The following ADAMTS3 variants were observed in gnomAD, a reference collection of about 807,000 sequenced individuals.
ADAMTS3 encodes the protein ADAM metallopeptidase with thrombospondin type 1 motif 3, also known as A disintegrin and metalloproteinase with thrombospondin motifs 3.
ADAMTS3 carries 73 observed loss-of-function variants against 129.0 expected under a neutral mutation model. The ratio of observed to expected loss-of-function variants is 0.57; its 90% CI spans 0.47 to 0.69. ADAMTS3 has a LOEUF of 0.69. Ranked by LOEUF, ADAMTS3 falls within the 30% of genes least tolerant of loss-of-function variation. ADAMTS3 has a pLI of 0.00. For synonymous variants in ADAMTS3, 477 were observed against 510.8 expected, an observed-to-expected ratio of 0.93 and a Z score of 0.89; for missense variants, 1,457 against 1,514.5, an observed-to-expected ratio of 0.96 and a Z score of 0.63.
chr4:72,520,224 C>T (rs1259578226), intron 3 of ADAMTS3, among the ~76,000 whole-genome samples: 1 of 152,000 alleles, frequency 6.6e-6, no homozygotes, highest in African/African-American at 2.4e-5. Flanking sequence ...AGTACCCGGC[C>T]GTGTGAGGTG....
At chr4:72,541,075 C>G (rs1201377586) in intron 3 of ADAMTS3, among the ~76,000 whole-genome samples, 1 of 152,178 alleles carries the variant, frequency 6.6e-6, no homozygotes, top group Non-Finnish European at 1.5e-5. Context: ...GCTGCAGACA[C>G]TCAACATCAG....
At chr4:72,354,975 C>T (rs930281431) in intron 4 of ADAMTS3, among the ~76,000 whole-genome samples, 1 of 151,992 alleles carries the variant, frequency 6.6e-6, no homozygotes, top group African/African-American at 2.4e-5. Context: ...ATAAATCTTA[C>T]TCCAAAAGCT....
intron 2 of ADAMTS3, among the ~76,000 whole-genome samples, chr4:72,566,978 G>T (rs577135419): frequency 6.6e-6 from 1 of 152,300 alleles, no homozygotes; most frequent in South Asian, 2.1e-4. Context: ...GTACTTCATT[G>T]TTCTCTTCTA....
intron 15 of ADAMTS3, among the ~76,000 whole-genome samples, chr4:72,306,655 G>C (rs1430480606): frequency 6.6e-6 from 1 of 151,902 alleles, no homozygotes; most frequent in Non-Finnish European, 1.5e-5. Context: ...CAAGTTTTAT[G>C]ATGGGACTAT....
chr4:72,375,079 A>G (rs1477628382), intron 4 of ADAMTS3, among the ~76,000 whole-genome samples: 1 of 151,996 alleles, frequency 6.6e-6, no homozygotes, highest in Non-Finnish European at 1.5e-5. Context: ...CTTAATCTCA[A>G]TCTTCTTGGC....
intron 3 of ADAMTS3, among the ~76,000 whole-genome samples, chr4:72,532,706 A>G (rs1465633063): frequency 6.6e-6 from 1 of 152,162 alleles, no homozygotes; most frequent in African/African-American, 2.4e-5. Flanking sequence ...CCTAGGCTGT[A>G]TGGCACAACA....
chr4:72,567,623 A>T (rs1722050373), intron 1 of ADAMTS3, among the ~76,000 whole-genome samples: 1 of 152,190 alleles, frequency 6.6e-6, no homozygotes, highest in South Asian at 2.1e-4. Context: ...TTTCATTTTA[A>T]TTTAACACTT....
intron 12 of ADAMTS3, among the ~76,000 whole-genome samples, chr4:72,312,729 A>T (rs561660348): frequency 3.9e-5 from 6 of 152,334 alleles, no homozygotes; most frequent in African/African-American, 1.4e-4. Context: ...GTGTAAGAAA[A>T]AAAAAGCATG....
chr4:72,426,528 T>C (rs1415427319), intron 3 of ADAMTS3, among the ~76,000 whole-genome samples: 1 of 152,144 alleles, frequency 6.6e-6, no homozygotes, highest in African/African-American at 2.4e-5. Flanking sequence ...GCATGCTTTC[T>C]GTTATTTATT....
rs531734295 is a variant in ADAMTS3 at position 72,568,592 on chromosome 4, G to A, written c.69+102C>T. The A allele has an allele frequency of 1.0e-4, 89 of 877,278 alleles. No homozygotes were observed. In the Admixed American group the frequency reaches 1.4e-3, roughly 14 times the overall value. The allele number at this position is 877,278 out of a possible 1,614,324, so 54.3% of individuals were successfully genotyped here. A position where few individuals can be genotyped will look rare whatever the true frequency, so the allele number is the denominator to read the frequency against. ...TGAACGCAAAAGATAACAGGGAAGG[G>A]TGGGAGGAGAAGGAGGAAAGAGAGG... is the stretch of plus-strand genomic sequence containing the variant. On this transcript the variant is annotated intron_variant, in intron 1 of 21. Coordinates refer to ENST00000286657, the MANE Select transcript of ADAMTS3 (RefSeq NM_014243.3).
intron 18 of ADAMTS3, 61 bp from the exon 19 acceptor site, chr4:72,295,847 T>G: frequency 1.9e-6 from 3 of 1,560,422 alleles, no homozygotes; most frequent in Non-Finnish European, 2.6e-6. Context: ...AGTTACTTGA[T>G]TATTCACTTA....
intron 3 of ADAMTS3, among the ~76,000 whole-genome samples, chr4:72,415,706 A>C (rs564488790): frequency 1.3e-5 from 2 of 151,978 alleles, no homozygotes; most frequent in South Asian, 4.2e-4. Flanking sequence ...ATTCTGTTTC[A>C]TCTTTTAATT....
intron 3 of ADAMTS3, among the ~76,000 whole-genome samples, chr4:72,439,401 A>G (rs1718052320): frequency 6.6e-6 from 1 of 151,676 alleles, no homozygotes; most frequent in Admixed American, 6.6e-5. Context: ...TTTTCCCTCC[A>G]ACACCTTTAT....
chr4:72,446,786 C>T lies in ADAMTS3; in HGVS notation c.505-31815G>A, dbSNP rs1718263877. 2.0e-5 allele frequency among the ~76,000 whole-genome samples: 3 copies of T among 151,644 alleles called. No individual in the cohort carries two copies. In the South Asian group the frequency reaches 6.2e-4, roughly 31 times the overall value. ...AGAATCATCATTTCCAGAGAATATACTCTTTGGATAGAAGGTTGAACTAGT... is the reference window on the plus strand; with the variant it reads ...AGAATCATCATTTCCAGAGAATATATTCTTTGGATAGAAGGTTGAACTAGT... On this transcript the variant is annotated intron_variant, in intron 3 of 21. Coordinates refer to ENST00000286657, the MANE Select transcript of ADAMTS3 (RefSeq NM_014243.3).
intron 3 of ADAMTS3, among the ~76,000 whole-genome samples, chr4:72,516,879 T>C (rs1455511240): frequency 6.6e-6 from 1 of 152,086 alleles, no homozygotes; most frequent in Non-Finnish European, 1.5e-5. Context: ...CTCTGTTGAA[T>C]AGGAGTGGTG....
chr4:72,408,573 A>C (rs1560504794), intron 4 of ADAMTS3, among the ~76,000 whole-genome samples: 1 of 152,162 alleles, frequency 6.6e-6, no homozygotes, highest in Non-Finnish European at 1.5e-5. Flanking sequence ...TTTTAAAAAT[A>C]TATTCAGCAC....
chr4:72,517,553 G>A (rs1421727976), intron 3 of ADAMTS3, among the ~76,000 whole-genome samples: 2 of 152,218 alleles, frequency 1.3e-5, no homozygotes, highest in South Asian at 2.1e-4. Flanking sequence ...CTTCTTCCTG[G>A]TTTAGTCTTG....
chr4:72,384,972 T>C (rs142221405), intron 4 of ADAMTS3, among the ~76,000 whole-genome samples: 3,061 of 152,032 alleles, frequency 0.02, 350 homozygotes, highest in Admixed American at 0.18. Context: ...ATCGAGACCA[T>C]CCTGGCTAAC....
intron 4 of ADAMTS3, among the ~76,000 whole-genome samples, chr4:72,411,589 C>T (rs982179051): frequency 3.3e-5 from 5 of 152,006 alleles, no homozygotes; most frequent in African/African-American, 9.7e-5. Flanking sequence ...CTCTACCCAT[C>T]CCTACCACAA....
Sources: allele counts gnomAD v4.1 joint callset (sites outside exome capture counted in the v4.1 genomes callset), GRCh38; gene constraint gnomAD v4.1.1; transcripts MANE v1.5; gene names NCBI Gene and HGNC (gene_info 2026-07-23, HGNC 2026-07-21).